Variants in UBE2E2 observed in about 807,000 individuals in gnomAD.
The protein encoded by UBE2E2 is ubiquitin-conjugating enzyme E2 E2.
A neutral mutation model predicts 24.7 loss-of-function variants in UBE2E2; 6 were observed. The ratio of observed to expected loss-of-function variants is 0.24; its 90% CI spans 0.13 to 0.48. UBE2E2 has a LOEUF of 0.48. UBE2E2 is among the 20% of genes least tolerant of loss of function. The probability of loss-of-function intolerance (pLI) is 0.99; values close to 1 mark genes in which losing one functional copy is unlikely to be tolerated. For synonymous variants in UBE2E2, 104 were observed against 83.6 expected, an observed-to-expected ratio of 1.24 and a Z score of -1.33; for missense variants, 169 against 245.0, an observed-to-expected ratio of 0.69 and a Z score of 2.07.
At chr3:23,440,862 G>T (rs1298198284) in intron 3 of UBE2E2, among the ~76,000 whole-genome samples, 1 of 151,974 alleles carries the variant, frequency 6.6e-6, no homozygotes, top group African/African-American at 2.4e-5. Context: ...TGCTCTTCCT[G>T]TAACTGGTTC....
At chr3:23,377,082 C>G (rs1380059380) in intron 3 of UBE2E2, among the ~76,000 whole-genome samples, 1 of 152,188 alleles carries the variant, frequency 6.6e-6, no homozygotes, top group Non-Finnish European at 1.5e-5. Context: ...TCATACTTTT[C>G]TCTAATTACT....
chr3:23,276,731 A>T lies in UBE2E2; in HGVS notation c.227+59419A>T, dbSNP rs887812280. On this transcript the variant is annotated intron_variant, in intron 3 of 5. Transcript: ENST00000396703. ...TTCTATTTTATAAAAAATAAAATAG[A>T]AAGTTATTCAAGATATTTCAGGATA... 2.6e-5 allele frequency among the ~76,000 whole-genome samples: 4 copies of T among 152,190 alleles called. No homozygotes were observed. In the South Asian group the frequency reaches 8.3e-4, roughly 32 times the overall value.
intron 3 of UBE2E2, among the ~76,000 whole-genome samples, chr3:23,274,558 C>T (rs1266526506): frequency 6.6e-6 from 1 of 151,760 alleles, no homozygotes; most frequent in Non-Finnish European, 1.5e-5. Flanking sequence ...GATGGAGTTT[C>T]TCCATGTTGC....
chr3:23,276,236 A>T (rs1427736417), intron 3 of UBE2E2, among the ~76,000 whole-genome samples: 1 of 152,128 alleles, frequency 6.6e-6, no homozygotes, highest in Non-Finnish European at 1.5e-5. Context: ...ACCAAGACAC[A>T]ATCAGTAAAC....
At chr3:23,222,814 G>C (rs1285819327) in intron 3 of UBE2E2, among the ~76,000 whole-genome samples, 2 of 150,020 alleles carry the variant, frequency 1.3e-5, no homozygotes, top group Non-Finnish European at 3.0e-5. Flanking sequence ...CATAGTGGCT[G>C]TACTAATTTA....
At position 23,254,193 on chromosome 3, in the gene UBE2E2, C is replaced by T. The variant is rs542823996; in HGVS notation, c.227+36881C>T. Among the ~76,000 whole-genome samples, 11 of 152,322 alleles carry T rather than the reference C, an allele frequency of 7.2e-5. No individual in the cohort carries two copies. In the East Asian group the frequency reaches 1.7e-3, roughly 24 times the overall value. On this transcript the variant is annotated intron_variant, in intron 3 of 5. Coordinates refer to ENST00000396703, the MANE Select transcript of UBE2E2 (RefSeq NM_152653.4). ...ATTAAGATGAATAACTGGGTCCTTG[C>T]TCCAAGAGACCTCTGCTTTAGTTGA...
chr3:23,557,431 A>G (rs1559420853), intron 5 of UBE2E2, among the ~76,000 whole-genome samples: 1 of 152,210 alleles, frequency 6.6e-6, no homozygotes, highest in Non-Finnish European at 1.5e-5. Context: ...AGCCCAGGGT[A>G]CAAGACGGGA....
intron 5 of UBE2E2, among the ~76,000 whole-genome samples, chr3:23,540,725 T>G (rs1017887591): frequency 6.6e-6 from 1 of 151,914 alleles, no homozygotes; most frequent in African/African-American, 2.4e-5. Flanking sequence ...TTTAAAAAAA[T>G]AGAGAGAGAG....
chr3:23,448,414 G>A (rs569585018), intron 3 of UBE2E2, among the ~76,000 whole-genome samples: 4 of 152,092 alleles, frequency 2.6e-5, no homozygotes, highest in Non-Finnish European at 5.9e-5. Flanking sequence ...CTAGCAGCAG[G>A]TAAGCCTAAC....
chr3:23,271,224 G>C (rs1251616888), intron 3 of UBE2E2: 1 of 377,572 alleles, frequency 2.6e-6, no homozygotes, highest in South Asian at 2.1e-5. Context: ...GGACCCTCGC[G>C]GTGAGTGTTA....
chr3:23,428,830 C>T (rs1205056363), intron 3 of UBE2E2, among the ~76,000 whole-genome samples: 2 of 149,084 alleles, frequency 1.3e-5, no homozygotes, highest in African/African-American at 5.0e-5. Flanking sequence ...ATCACAGTTA[C>T]TCAGGAGGAT....
chr3:23,438,335 G>T (rs1698227955), intron 3 of UBE2E2, among the ~76,000 whole-genome samples: 1 of 152,128 alleles, frequency 6.6e-6, no homozygotes. Flanking sequence ...GAGGATTTAG[G>T]GTACCAGAAC....
intron 3 of UBE2E2, among the ~76,000 whole-genome samples, chr3:23,379,861 T>G (rs1399813692): frequency 6.6e-6 from 1 of 151,946 alleles, no homozygotes; most frequent in African/African-American, 2.4e-5. Flanking sequence ...AGGAGTTTGG[T>G]CCGTTAGACA....
At chr3:23,466,220 G>T (rs1164791931) in intron 3 of UBE2E2, among the ~76,000 whole-genome samples, 2 of 152,120 alleles carry the variant, frequency 1.3e-5, no homozygotes, top group African/African-American at 2.4e-5. Flanking sequence ...GTTAAACTAG[G>T]TATTTTATTT....
At chr3:23,363,971 G>A (rs555403279) in intron 3 of UBE2E2, among the ~76,000 whole-genome samples, 1 of 147,350 alleles carries the variant, frequency 6.8e-6, no homozygotes, top group Non-Finnish European at 1.5e-5. Flanking sequence ...AATAAAAATA[G>A]AAATCAATAC....
intron 3 of UBE2E2, among the ~76,000 whole-genome samples, chr3:23,389,290 T>G (rs1696882057): frequency 1.3e-5 from 2 of 152,228 alleles, no homozygotes; most frequent in South Asian, 4.1e-4. Context: ...GCAAGCTCTG[T>G]GAGTTGTGCT....
intron 3 of UBE2E2, among the ~76,000 whole-genome samples, chr3:23,291,817 G>A (rs1350962827): frequency 7.0e-6 from 1 of 142,422 alleles, no homozygotes; most frequent in African/African-American, 2.6e-5. Flanking sequence ...TGAGTAACTG[G>A]AATTACAGAT....
intron 4 of UBE2E2, among the ~76,000 whole-genome samples, chr3:23,531,891 G>C (rs1695130388): frequency 6.6e-6 from 1 of 151,938 alleles, no homozygotes; most frequent in South Asian, 2.1e-4. Context: ...GCAAAACCCT[G>C]TCTCTACTAA....
intron 3 of UBE2E2, among the ~76,000 whole-genome samples, chr3:23,447,057 G>C (rs1698450807): frequency 6.6e-6 from 1 of 152,140 alleles, no homozygotes; most frequent in Non-Finnish European, 1.5e-5. Flanking sequence ...GGTATTATCT[G>C]ATTTCCCTGA....
Sources: gnomAD v4.1 joint callset for allele counts (sites outside exome capture counted in the v4.1 genomes callset) on GRCh38, gnomAD v4.1.1 for gene constraint, MANE v1.5 for transcripts, NCBI Gene and HGNC (gene_info 2026-07-23, HGNC 2026-07-21) for gene names.